The following FHIT variants were observed in gnomAD, a reference collection of about 807,000 sequenced individuals.
The protein encoded by FHIT is bis(5'-adenosyl)-triphosphatase.
In FHIT, 19 loss-of-function variants were observed where a neutral mutation model predicts 17.9. The observed-to-expected ratio is 1.06, with a 90% CI of 0.74 to 1.56. The LOEUF is 1.56. FHIT is among the 40% of genes most tolerant of loss of function. The probability of loss-of-function intolerance (pLI) is 0.00; values close to 1 mark genes in which losing one functional copy is unlikely to be tolerated. For synonymous variants in FHIT, 81 were observed against 69.7 expected (o/e 1.16, Z -0.81); for missense variants, 248 against 189.2 (o/e 1.31, Z -1.82).
At chr3:60,736,018 C>T (rs2042126288) in intron 4 of FHIT, among the ~76,000 whole-genome samples, 1 of 152,006 alleles carries the variant, frequency 6.6e-6, no homozygotes, top group East Asian at 1.9e-4. Context: ...AGAAGAAATA[C>T]AAATGGCCTA....
At chr3:60,732,448 C>A in intron 4 of FHIT, 1 of 730,290 alleles carries the variant, frequency 1.4e-6, no homozygotes, top group Admixed American at 1.7e-5. Context: ...AGTCACCACC[C>A]TGACATATAA....
chr3:60,001,944 C>T (rs376295231), intron 7 of FHIT, among the ~76,000 whole-genome samples: 3 of 152,110 alleles, frequency 2.0e-5, no homozygotes, highest in African/African-American at 7.2e-5. Context: ...GGATGGAAAG[C>T]ATGATAAGAA....
At chr3:60,143,271 G>C (rs371983548) in intron 5 of FHIT, among the ~76,000 whole-genome samples, 4 of 152,254 alleles carry the variant, frequency 2.6e-5, no homozygotes, top group South Asian at 2.1e-4. Context: ...GGGGCCACAC[G>C]TATTTCCCCA....
chr3:60,631,872 C>T (rs1242941833), intron 4 of FHIT, among the ~76,000 whole-genome samples: 1 of 152,114 alleles, frequency 6.6e-6, no homozygotes, highest in Non-Finnish European at 1.5e-5. Flanking sequence ...AACCCAGTTT[C>T]TTCTGAGATG....
At chr3:61,041,701 G>A (rs556016495) in intron 3 of FHIT, among the ~76,000 whole-genome samples, 12 of 149,200 alleles carry the variant, frequency 8.0e-5, no homozygotes, top group East Asian at 1.9e-4. Flanking sequence ...AAAAAAATCC[G>A]CTCAACTCAA....
At chr3:60,615,318 G>A (rs940417554) in intron 4 of FHIT, among the ~76,000 whole-genome samples, 1 of 152,146 alleles carries the variant, frequency 6.6e-6, no homozygotes, top group South Asian at 2.1e-4. Flanking sequence ...AATCATTAGA[G>A]GAGCTATTCA....
In FHIT at chr3:60,779,489, G is replaced by A. The variant is rs553400555; in HGVS notation, c.-18+42430C>T. ...CCATTACCAGGAGGTTTCCTTTTTG[G>A]GAAAGTAAGACCAAGTGAACTAACC... On this transcript the variant is annotated intron_variant, in intron 4 of 9. Coordinates refer to ENST00000492590, the MANE Select transcript of FHIT (RefSeq NM_002012.4). 2.6e-5 allele frequency among the ~76,000 whole-genome samples: 4 copies of A among 152,124 alleles called. No homozygotes were observed. In the South Asian group the frequency reaches 8.3e-4, roughly 32 times the overall value.
chr3:60,859,296 G>C (rs782318469), intron 3 of FHIT, among the ~76,000 whole-genome samples: 1 of 152,084 alleles, frequency 6.6e-6, no homozygotes, highest in Non-Finnish European at 1.5e-5. Flanking sequence ...AGCTATATCA[G>C]GTAAATTACT....
At chr3:60,256,377 A>C (rs1705993115) in intron 5 of FHIT, among the ~76,000 whole-genome samples, 1 of 152,188 alleles carries the variant, frequency 6.6e-6, no homozygotes, top group South Asian at 2.1e-4. Flanking sequence ...CAAGCCTTTT[A>C]AGATTTCTTA....
chr3:59,896,137 A>C (rs1396686380), intron 8 of FHIT, among the ~76,000 whole-genome samples: 1 of 152,212 alleles, frequency 6.6e-6, no homozygotes, highest in Non-Finnish European at 1.5e-5. Flanking sequence ...ACGCTTGTAC[A>C]CTGGCATCCC....
chr3:60,026,019 AG>A (rs143529340), intron 5 of FHIT, among the ~76,000 whole-genome samples: 2 of 152,100 alleles, frequency 1.3e-5, no homozygotes, highest in African/African-American at 4.8e-5. Context: ...AGGCCTGTAA[AG>A]GGGGGGAAAG....
chr3:59,963,467 AAGG>A (rs1032729258), intron 7 of FHIT, among the ~76,000 whole-genome samples: 1 of 152,020 alleles, frequency 6.6e-6, no homozygotes, highest in Admixed American at 6.6e-5. Context: ...TGAGAGAGAG[AAGG>A]AGGAGGAGAG....
intron 3 of FHIT, among the ~76,000 whole-genome samples, chr3:60,977,942 T>C (rs1344143222): frequency 1.3e-5 from 2 of 152,202 alleles, no homozygotes; most frequent in African/African-American, 4.8e-5. Context: ...GGAGGCATGA[T>C]GCTGGCACAG....
rs1162373616 is a variant in FHIT at position 60,366,898 on chromosome 3, CT to C, written c.103+169961del. On this transcript the variant is annotated intron_variant, in intron 5 of 9. Coordinates refer to ENST00000492590, the MANE Select transcript of FHIT (RefSeq NM_002012.4). Reference sequence around the variant, plus strand: ...AGGCTCTGATTCCTAATCCCATGTCCTTCCCATTAAATCATTTTGTCAACTT... The same window carrying C: ...AGGCTCTGATTCCTAATCCCATGTCCTCCCATTAAATCATTTTGTCAACTT... Among the ~76,000 whole-genome samples, 6 of 152,332 alleles carry C rather than the reference CT, an allele frequency of 3.9e-5. No homozygotes were observed. The South Asian group carries it at 1.0e-3, about 26-fold the overall frequency.
intron 7 of FHIT, among the ~76,000 whole-genome samples, chr3:59,938,313 C>G (rs1159236): frequency 0.98 from 148,549 of 152,292 alleles, 72,553 homozygotes; most frequent in South Asian, 1. Context: ...AGAAAAATAT[C>G]ACATGATCTT....
intron 8 of FHIT, among the ~76,000 whole-genome samples, chr3:59,853,535 C>G (rs1174731572): frequency 6.6e-6 from 1 of 152,160 alleles, no homozygotes; most frequent in Non-Finnish European, 1.5e-5. Context: ...CTAAATACTT[C>G]AAAATATGAA....
chr3:60,122,620 G>A (rs4284938), intron 5 of FHIT, among the ~76,000 whole-genome samples: 72 of 152,266 alleles, frequency 4.7e-4, no homozygotes, highest in South Asian at 2.9e-3. Context: ...TTCAGGACAC[G>A]AAGGACAGAT....
chr3:59,894,531 C>G (rs1488588290), intron 8 of FHIT, among the ~76,000 whole-genome samples: 5 of 152,078 alleles, frequency 3.3e-5, no homozygotes, highest in Admixed American at 6.5e-5. Context: ...CTCCTCAACT[C>G]AAGTGTAAAA....
At chr3:60,649,112 T>C (rs550150532) in intron 4 of FHIT, among the ~76,000 whole-genome samples, 2 of 152,336 alleles carry the variant, frequency 1.3e-5, no homozygotes, top group Non-Finnish European at 2.9e-5. Flanking sequence ...AAATTCTTCA[T>C]TGCGGCCGGG....
Sources: gnomAD v4.1 joint callset for allele counts (sites outside exome capture counted in the v4.1 genomes callset) on GRCh38, gnomAD v4.1.1 for gene constraint, MANE v1.5 for transcripts, NCBI Gene and HGNC (gene_info 2026-07-23, HGNC 2026-07-21) for gene names.